The following RASA2 variants were observed in gnomAD, a reference collection of about 807,000 sequenced individuals.
RASA2 encodes ras GTPase-activating protein 2.
In RASA2, 155 loss-of-function variants were observed where a neutral mutation model predicts 118.2. The observed-to-expected ratio is 1.31, with a 90% CI of 1.15 to 1.50. The LOEUF (loss-of-function observed/expected upper bound fraction) is 1.50, where lower values mean the gene tolerates loss of function less well. RASA2 is among the 40% of genes most tolerant of loss of function. RASA2 has a pLI of 0.00. For synonymous variants in RASA2, 353 were observed against 349.1 expected (o/e 1.01, Z -0.12); for missense variants, 1,016 against 1,009.6 (o/e 1.01, Z -0.09).
At chr3:141,590,767 T>G (rs1163850041) in intron 19 of RASA2, among the ~76,000 whole-genome samples, 3 of 152,224 alleles carry the variant, frequency 2.0e-5, no homozygotes, top group African/African-American at 7.2e-5. Flanking sequence ...ACAGTAGTAT[T>G]GTGAATCAAG....
In RASA2 at chr3:141,596,915, A is replaced by C. The variant is rs376764475; in HGVS notation, c.1933+10163A>C. Among the ~76,000 whole-genome samples the C allele has an allele frequency of 5.9e-5, 9 of 152,334 alleles. No homozygotes were observed. The East Asian group carries it at 1.7e-3, about 29-fold the overall frequency. ...TCAGAAAGTTAAACATAAAACTACT[A>C]TACATGTAACCTAGCAATTCCACTG... is the stretch of plus-strand genomic sequence containing the variant. On this transcript the variant is annotated intron_variant, in intron 19 of 23. Coordinates refer to ENST00000286364, the MANE Select transcript of RASA2 (RefSeq NM_006506.5).
At chr3:141,542,998 GTCTT>G (rs1355217426) in intron 5 of RASA2, among the ~76,000 whole-genome samples, 1 of 151,906 alleles carries the variant, frequency 6.6e-6, no homozygotes, top group Non-Finnish European at 1.5e-5. Flanking sequence ...GCCAATCTCT[GTCTT>G]TTTTTGGTGA....
chr3:141,600,470 A>C (rs1313794522), intron 19 of RASA2: 5 of 351,030 alleles, frequency 1.4e-5, no homozygotes, highest in African/African-American at 1.1e-4. Flanking sequence ...TCCTTATTAG[A>C]CAGCTCGGCG....
At chr3:141,494,113 A>G (rs1443869516) in intron 1 of RASA2, among the ~76,000 whole-genome samples, 2 of 152,246 alleles carry the variant, frequency 1.3e-5, no homozygotes, top group Non-Finnish European at 2.9e-5. Context: ...CATTGCTATT[A>G]CAGACATTAC....
chr3:141,581,101 C>G lies in RASA2; in HGVS notation c.1676C>G (p.Ser559Ter). Reference sequence around the variant, plus strand: ...AACCCTGTGTTTGTTTTTTCTTAGTCAAGTTTCAAAGAGACATTCATGTGT... The same window carrying G: ...AACCCTGTGTTTGTTTTTTCTTAGTGAAGTTTCAAAGAGACATTCATGTGT... ...GSWGSLSKSKSSFKETFMCEF... is the reference protein window; with the variant it reads ...GSWGSLSKSK The change falls in exon 17 of 24, where the codon TCA (serine) becomes TGA (stop). Residue 559 changes from serine (S) to a stop codon, truncating the protein, a stop_gained and splice_region_variant. Transcript: ENST00000286364. LOFTEE classifies it high-confidence loss of function. 6.5e-7 allele frequency: 1 copy of G among 1,527,272 alleles called. No individual in the cohort carries two copies. Among genetic ancestry groups the G allele is most frequent in the Non-Finnish European group, 8.7e-7 (1 of 1,145,602 alleles). The allele number at this position is 1,527,272 out of a possible 1,614,324, so 94.6% of individuals were successfully genotyped here. A position where few individuals can be genotyped will look rare whatever the true frequency, so the allele number is the denominator to read the frequency against.
In RASA2 at chr3:141,576,998, A is replaced by C; in HGVS notation, c.1484-2A>C. On this transcript the variant is annotated splice_acceptor_variant, in intron 14 of 23. Transcript: ENST00000286364. LOFTEE classifies it high-confidence loss of function. ...TGACATTTCACCATTTTTTTCCTGC[A>C]GATGACCCTCATGTTCAGTATTCTG... is the stretch of plus-strand genomic sequence containing the variant. 6.4e-7 allele frequency: 1 copy of C among 1,571,622 alleles called. No individual in the cohort carries two copies. Among genetic ancestry groups the C allele is most frequent in the Non-Finnish European group, 8.6e-7 (1 of 1,159,410 alleles).
intron 5 of RASA2, among the ~76,000 whole-genome samples, chr3:141,543,876 CTTTTT>C (rs529631210): frequency 1.4e-4 from 16 of 117,314 alleles, no homozygotes; most frequent in South Asian, 5.6e-4. Flanking sequence ...TTTCTTTTTT[CTTTTT>C]TTTTTTTTTT....
intron 1 of RASA2, among the ~76,000 whole-genome samples, chr3:141,503,225 T>C (rs2081810665): frequency 6.6e-6 from 1 of 152,200 alleles, no homozygotes; most frequent in Non-Finnish European, 1.5e-5. Flanking sequence ...AACCTTCAGG[T>C]ATAAATGCAT....
chr3:141,569,827 CTT>C (rs2082887209), intron 9 of RASA2, among the ~76,000 whole-genome samples: 1 of 151,992 alleles, frequency 6.6e-6, no homozygotes, highest in South Asian at 2.1e-4. Flanking sequence ...TTGTTACCAT[CTT>C]TGTGTTTGTG....
At chr3:141,522,491 G>T (rs186084102) in intron 3 of RASA2, among the ~76,000 whole-genome samples, 212 of 152,246 alleles carry the variant, frequency 1.4e-3, no homozygotes, top group Non-Finnish European at 1.1e-3. Flanking sequence ...GGAGGTGCAA[G>T]GTCAGCCACA....
At chr3:141,497,053 A>T (rs545846487) in intron 1 of RASA2, among the ~76,000 whole-genome samples, 7 of 151,990 alleles carry the variant, frequency 4.6e-5, no homozygotes, top group African/African-American at 1.7e-4. Flanking sequence ...TTCTCAGCAA[A>T]CTATCACAAG....
At chr3:141,500,044 G>A (rs2151072018) in intron 1 of RASA2, among the ~76,000 whole-genome samples, 1 of 152,298 alleles carries the variant, frequency 6.6e-6, no homozygotes, top group South Asian at 2.1e-4. Context: ...CTGCTTAGTG[G>A]TAGATATTCC....
At chr3:141,583,568 G>C (rs1401550500) in intron 17 of RASA2, among the ~76,000 whole-genome samples, 1 of 152,102 alleles carries the variant, frequency 6.6e-6, no homozygotes, top group Non-Finnish European at 1.5e-5. Context: ...GCTGTGATAG[G>C]GCGCTTCTTC....
At chr3:141,543,348 A>G (rs1049421980) in intron 5 of RASA2, among the ~76,000 whole-genome samples, 6 of 152,094 alleles carry the variant, frequency 3.9e-5, no homozygotes, top group Non-Finnish European at 7.4e-5. Flanking sequence ...CCCATTTGTA[A>G]TATACTTTGT....
chr3:141,577,063 C>G lies in RASA2; in HGVS notation c.1547C>G (p.Ala516Gly). Residue 516 changes from alanine to glycine, a missense_variant, in exon 15 of 24, where the codon GCC becomes GGC. This residue lies in a region of RASA2 where 896 missense variants were observed against 836.4 expected (regional missense o/e 1.07). Transcript: ENST00000286364. Reference protein sequence around the residue: ...SFVFLRFFAVAVVSPHTFHLR... With the variant: ...SFVFLRFFAVGVVSPHTFHLR... ...GTATTTCTTCGTTTCTTTGCTGTAG[C>G]CGTAGTATCACCTCATACTTTTCAT... is the stretch of plus-strand genomic sequence containing the variant. 1 of 1,611,532 alleles carries G rather than the reference C, an allele frequency of 6.2e-7. No individual in the cohort carries two copies. Among genetic ancestry groups the G allele is most frequent in the Non-Finnish European group, 8.5e-7 (1 of 1,178,422 alleles).
intron 9 of RASA2, among the ~76,000 whole-genome samples, chr3:141,568,444 G>A (rs2082859840): frequency 6.6e-6 from 1 of 152,014 alleles, no homozygotes; most frequent in Admixed American, 6.5e-5. Context: ...AGGTTCCTAA[G>A]AGAAGCGGAG....
chr3:141,590,141 C>T (rs746408376), intron 19 of RASA2: 2 of 456,528 alleles, frequency 4.4e-6, no homozygotes. Flanking sequence ...GTTCATTGAA[C>T]GTAAGTTAAC....
intron 10 of RASA2, 28 bp from the exon 11 acceptor site, chr3:141,571,378 T>C: frequency 1.2e-6 from 2 of 1,600,860 alleles, no homozygotes; most frequent in Non-Finnish European, 1.7e-6. Flanking sequence ...TTGATGTTTG[T>C]GCTTGTTTTC....
At chr3:141,590,521 C>T (rs1057161888) in intron 19 of RASA2, among the ~76,000 whole-genome samples, 3 of 152,190 alleles carry the variant, frequency 2.0e-5, no homozygotes, top group African/African-American at 4.8e-5. Flanking sequence ...TGAATGAAAA[C>T]GTCAGGACTT....
Sources: gnomAD v4.1 joint callset for allele counts (sites outside exome capture counted in the v4.1 genomes callset) on GRCh38, gnomAD v4.1.1 for gene constraint, gnomAD v4.1.1 regional missense constraint, MANE v1.5 for transcripts, NCBI Gene and HGNC (gene_info 2026-07-23, HGNC 2026-07-21) for gene names.